The following GRIA4 variants were observed in gnomAD, a reference collection of about 807,000 sequenced individuals.
GRIA4 encodes glutamate ionotropic receptor AMPA type subunit 4.
A neutral mutation model predicts 104.0 loss-of-function variants in GRIA4; 34 were observed. That is an observed-to-expected ratio of 0.33 (90% CI 0.25 to 0.44). The LOEUF is 0.44. Among genes scored for constraint, GRIA4 ranks in the 20% least tolerant of loss-of-function variants. GRIA4 has a pLI of 1.00. For synonymous variants in GRIA4, 386 were observed against 381.9 expected (o/e 1.01, Z -0.13); for missense variants, 750 against 1,096.5 (o/e 0.68, Z 4.46).
chr11:105,918,748 A>G lies in GRIA4; in HGVS notation c.1306A>G (p.Met436Val), dbSNP rs780424108. The change falls in exon 11 of 17, where the codon ATG becomes GTG. Residue 436 changes from methionine (M) to valine (V), a missense_variant. By Grantham distance (21) the Met-to-Val change is conservative. Transcript: ENST00000282499. The stretch of plus-strand genomic sequence containing the variant: ...TGTTATGTACAAGAAAAATCATGAA[A>G]TGTTTGAAGGAAATGACAAGTATGA... The part of the protein sequence containing the change: ...PYVMYKKNHE[M>V]FEGNDKYEGY... The G allele has an allele frequency of 3.8e-6, 6 of 1,590,034 alleles. No individual in the cohort carries two copies. In the Admixed American group the frequency reaches 5.0e-5, roughly 13 times the overall value.
At chr11:105,805,341 A>G (rs1471630563) in intron 4 of GRIA4, among the ~76,000 whole-genome samples, 1 of 151,792 alleles carries the variant, frequency 6.6e-6, no homozygotes, top group African/African-American at 2.4e-5. Flanking sequence ...ATAATCTAGT[A>G]AGGCAACTCA....
At chr11:105,659,815 A>G (rs1951952444) in intron 3 of GRIA4, among the ~76,000 whole-genome samples, 1 of 151,844 alleles carries the variant, frequency 6.6e-6, no homozygotes, top group Non-Finnish European at 1.5e-5. Flanking sequence ...AAAGAACATC[A>G]CAAAAATTAC....
intron 2 of GRIA4, among the ~76,000 whole-genome samples, chr11:105,611,739 C>T (rs1950486557): frequency 6.6e-6 from 1 of 152,128 alleles, no homozygotes; most frequent in Non-Finnish European, 1.5e-5. Flanking sequence ...TTTAATGGGA[C>T]GCAGCTATTG....
At chr11:105,804,354 G>GCACACACA (rs35265620) in intron 4 of GRIA4, among the ~76,000 whole-genome samples, 5 of 147,888 alleles carry the variant, frequency 3.4e-5, no homozygotes, top group African/African-American at 1.2e-4. Context: ...AAACACACAT[G>GCACACACA]CACACACACA....
intron 11 of GRIA4, among the ~76,000 whole-genome samples, chr11:105,920,058 T>C (rs1388024765): frequency 6.6e-6 from 1 of 152,122 alleles, no homozygotes; most frequent in Non-Finnish European, 1.5e-5. Context: ...CATCTTGCCT[T>C]TTAGACCATG....
chr11:105,972,156 A>T, intron 15 of GRIA4, 128 bp downstream of exon 15: 1 of 533,116 alleles, frequency 1.9e-6, no homozygotes, highest in Non-Finnish European at 3.4e-6. Flanking sequence ...ATTAAAAGCT[A>T]ATGTCATAAA....
At chr11:105,820,321 A>G (rs1943530798) in intron 4 of GRIA4, among the ~76,000 whole-genome samples, 1 of 152,090 alleles carries the variant, frequency 6.6e-6, no homozygotes, top group South Asian at 2.1e-4. Flanking sequence ...TCAAAGCACA[A>G]CTTTTTCTAT....
intron 3 of GRIA4, among the ~76,000 whole-genome samples, chr11:105,708,408 TA>T (rs957580375): frequency 5.3e-5 from 8 of 151,900 alleles, no homozygotes; most frequent in Non-Finnish European, 1.0e-4. Context: ...ATTTCCTCCA[TA>T]AAAACAACCA....
At chr11:105,786,679 G>A (rs983483947) in intron 4 of GRIA4, among the ~76,000 whole-genome samples, 1 of 152,090 alleles carries the variant, frequency 6.6e-6, no homozygotes, top group African/African-American at 2.4e-5. Context: ...TGTATGTGTG[G>A]TATTTTTGTT....
intron 3 of GRIA4, among the ~76,000 whole-genome samples, chr11:105,721,434 A>C (rs1937812504): frequency 6.6e-6 from 1 of 152,056 alleles, no homozygotes; most frequent in Admixed American, 6.6e-5. Flanking sequence ...CTTACAGTTT[A>C]ATTTTAATTA....
chr11:105,882,511 T>C (rs1176521368), intron 5 of GRIA4, among the ~76,000 whole-genome samples: 1 of 152,228 alleles, frequency 6.6e-6, no homozygotes, highest in Non-Finnish European at 1.5e-5. Context: ...TTGACCTTAA[T>C]ATGTTAGTGT....
chr11:105,813,965 C>G (rs908135935), intron 4 of GRIA4, among the ~76,000 whole-genome samples: 2 of 151,822 alleles, frequency 1.3e-5, no homozygotes, highest in African/African-American at 4.8e-5. Flanking sequence ...TGCTAAGATC[C>G]GAATAGAAGA....
chr11:105,643,236 T>G (rs1465474180), intron 3 of GRIA4, among the ~76,000 whole-genome samples: 2 of 152,188 alleles, frequency 1.3e-5, no homozygotes, highest in African/African-American at 4.8e-5. Context: ...CAGCTATAGA[T>G]CATAGCTCAT....
At chr11:105,913,624 G>T (rs1388340968) in intron 10 of GRIA4, 3 of 276,056 alleles carry the variant, frequency 1.1e-5, no homozygotes, top group African/African-American at 6.8e-5. Context: ...GCAGTTTACA[G>T]TAGATCTTGG....
chr11:105,711,632 C>G (rs1038429417), intron 3 of GRIA4, among the ~76,000 whole-genome samples: 47 of 152,052 alleles, frequency 3.1e-4, no homozygotes, highest in African/African-American at 1.1e-3. Flanking sequence ...AACACTATCT[C>G]TTTGAGTGAA....
At chr11:105,714,017 A>G (rs1954005246) in intron 3 of GRIA4, among the ~76,000 whole-genome samples, 1 of 152,114 alleles carries the variant, frequency 6.6e-6, no homozygotes, top group Non-Finnish European at 1.5e-5. Context: ...AGACGCTTTG[A>G]GGCAGGATCT....
At chr11:105,888,124 T>G (rs1289806584) in intron 6 of GRIA4, among the ~76,000 whole-genome samples, 2 of 152,090 alleles carry the variant, frequency 1.3e-5, no homozygotes, top group African/African-American at 4.8e-5. Context: ...GCAAGGCTCA[T>G]TGAATATGTC....
chr11:105,664,951 T>A (rs575025318), intron 3 of GRIA4, among the ~76,000 whole-genome samples: 3 of 152,104 alleles, frequency 2.0e-5, no homozygotes, highest in Non-Finnish European at 4.4e-5. Flanking sequence ...ATAAGAAACA[T>A]TTTCAATTAA....
At chr11:105,669,756 T>C (rs1180364986) in intron 3 of GRIA4, among the ~76,000 whole-genome samples, 1 of 152,170 alleles carries the variant, frequency 6.6e-6, no homozygotes, top group African/African-American at 2.4e-5. Context: ...TGTGAATAAA[T>C]AAACACTGTG....
Sources: gnomAD v4.1 joint callset for allele counts (sites outside exome capture counted in the v4.1 genomes callset) on GRCh38, gnomAD v4.1.1 for gene constraint, MANE v1.5 for transcripts, NCBI Gene and HGNC (gene_info 2026-07-23, HGNC 2026-07-21) for gene names.